NPC1: variants seen among roughly 807,000 people sequenced by gnomAD.
The protein encoded by NPC1 is NPC intracellular cholesterol transporter 1.
Under a neutral mutation model 140.4 loss-of-function variants are expected in NPC1, and 85 were observed. That is an observed-to-expected ratio of 0.61 (90% CI 0.51 to 0.72). The LOEUF (loss-of-function observed/expected upper bound fraction) is 0.72. Ranked by LOEUF, NPC1 falls within the 30% of genes least tolerant of loss-of-function variation. The pLI is 0.00. For missense variants in NPC1, 1,504 were observed against 1,623.8 expected (o/e 0.93, Z 1.27); for synonymous variants, 656 against 624.8 (o/e 1.05, Z -0.74).
At chr18:23,523,302 C>CTT (rs2058193148) in intron 1 of NPC1, among the ~76,000 whole-genome samples, 1 of 152,070 alleles carries the variant, frequency 6.6e-6, no homozygotes, top group Non-Finnish European at 1.5e-5. Flanking sequence ...GGCTCATGAG[C>CTT]AGTATAACTG....
Position 23,560,265 on chromosome 18 carries a change from A to C in NPC1, c.847T>G (p.Phe283Val). The change falls in exon 6 of 25, where the codon TTT becomes GTT. Residue 283 changes from phenylalanine (F) to valine (V), a missense_variant. Coordinates refer to ENST00000269228, the MANE Select transcript of NPC1 (RefSeq NM_000271.5). ...WITYMAFLLV[F>V]FGAFFAVWCY... ...CACACTGCAAAAAATGCTCCAAAAA[A>C]CACAAGCAAAAACGCCATGTAGGTG... The C allele has an allele frequency of 6.2e-7, 1 of 1,614,188 alleles. No homozygotes were observed.
At chr18:23,577,836 G>A (rs1473269935) in intron 1 of NPC1, among the ~76,000 whole-genome samples, 1 of 152,216 alleles carries the variant, frequency 6.6e-6, no homozygotes, top group East Asian at 1.9e-4. Flanking sequence ...CGGCACTGCT[G>A]GGGGGACCCA....
At chr18:23,527,323 C>T (rs73392104), downstream of NPC1, among the ~76,000 whole-genome samples, 2,056 of 151,828 alleles carry the variant, frequency 0.014, 34 homozygotes, top group African/African-American at 0.048. Context: ...TCCTTGAGCC[C>T]GGGAGGACGA....
exon 2 of NPC1, chr18:23,522,707 C>T (rs1204970125): frequency 6.6e-6 from 1 of 152,286 alleles, no homozygotes; most frequent in Admixed American, 6.5e-5. Flanking sequence ...CAGTAACAGC[C>T]CGTGCAGAGA....
chr18:23,568,608 T>TA (rs373467553), intron 4 of NPC1, among the ~76,000 whole-genome samples: 3 of 152,190 alleles, frequency 2.0e-5, no homozygotes, highest in African/African-American at 7.2e-5. Context: ...TGTGGGAAGT[T>TA]AAAGTTAGGG....
chr18:23,563,041 T>G (rs941086414), intron 4 of NPC1, among the ~76,000 whole-genome samples: 1 of 152,204 alleles, frequency 6.6e-6, no homozygotes, highest in Non-Finnish European at 1.5e-5. Context: ...ACTACCTCCC[T>G]ACTTCCCTAA....
Position 23,535,558 on chromosome 18 carries a change from T to C in NPC1, c.3388A>G (p.Thr1130Ala), listed in dbSNP as rs1340377299. Residue 1130 changes from threonine to alanine, a missense_variant, in exon 22 of 25, where the codon ACC becomes GCC. Transcript: ENST00000269228. ...ELWSAVIMCA[T>A]IAMVLVNMFG... The stretch of plus-strand genomic sequence containing the variant: ...ATGTTGACCAAGACCATGGCGATGG[T>C]GGCACACATGATGACTGCAGACCAG... The C allele has an allele frequency of 6.2e-7, 1 of 1,613,972 alleles. No individual in the cohort carries two copies.
chr18:23,543,465 T>C lies in NPC1; in HGVS notation c.2235A>G (p.Ala745=). The C allele has an allele frequency of 1.9e-6, 3 of 1,594,984 alleles. No individual in the cohort carries two copies. Among genetic ancestry groups the C allele is most frequent in the South Asian group, 2.2e-5 (2 of 90,650 alleles). The change falls in exon 14 of 25, where the codon GCA becomes GCG. Residue 745 remains alanine (A), a synonymous_variant. Coordinates refer to ENST00000269228, the MANE Select transcript of NPC1 (RefSeq NM_000271.5). The stretch of plus-strand genomic sequence containing the variant: ...TGAAAGCATAATTACCTAAGAAAAA[T>C]GCTACAGTCTCAGAAAAGGATGACA... ...MFLSSFSETV[A]FFLGALSVMP...
intron 10 of NPC1, among the ~76,000 whole-genome samples, chr18:23,550,575 G>A (rs979196264): frequency 2.9e-5 from 4 of 137,702 alleles, no homozygotes; most frequent in African/African-American, 8.3e-5. Flanking sequence ...TCTGCCTCCC[G>A]GGTTCACACC....
intron 23 of NPC1, 158 bp from the exon 24 acceptor site, chr18:23,533,675 A>T (rs559531500): frequency 1.4e-6 from 1 of 708,968 alleles, no homozygotes; most frequent in South Asian, 1.6e-5. Context: ...TGCCTGGCTA[A>T]TTTTTGTGTT....
At chr18:23,561,174 G>A (rs770724073) in intron 5 of NPC1, among the ~76,000 whole-genome samples, 186 bp downstream of exon 5, 3 of 152,124 alleles carry the variant, frequency 2.0e-5, no homozygotes, top group Non-Finnish European at 4.4e-5. Context: ...ACCACACCTG[G>A]CTAATGTTTA....
In NPC1 at chr18:23,531,801, C is replaced by A. The variant is rs1050372197; in HGVS notation, c.*401G>T. 6.5e-6 allele frequency: 10 copies of A among 1,528,258 alleles called. No homozygotes were observed. The African/African-American group carries it at 1.4e-4, about 22-fold the overall frequency. 94.7% of individuals were successfully genotyped at this position (1,528,258 alleles called of 1,614,324 possible). A position where few individuals can be genotyped will look rare whatever the true frequency, so the allele number is the denominator to read the frequency against. ...TATAAAATGTTATAAAGTGTATCTA[C>A]AACCTCAACTGTCACTAAAAATATG... On this transcript the variant is annotated 3_prime_UTR_variant, in exon 25 of 25. Transcript: ENST00000269228.
rs1555634688 is a variant in NPC1 at position 23,544,951 on chromosome 18, C to CCCCCG, written c.1947+8_1947+9insCGGGG. The CCCCCG allele has an allele frequency of 2.1e-6, 3 of 1,436,102 alleles. No individual in the cohort carries two copies. Among genetic ancestry groups the CCCCCG allele is most frequent in the Non-Finnish European group, 1.9e-6 (2 of 1,028,830 alleles). 89.0% of individuals were successfully genotyped at this position (1,436,102 alleles called of 1,614,324 possible). A position where few individuals can be genotyped will look rare whatever the true frequency, so the allele number is the denominator to read the frequency against. On this transcript the variant is annotated intron_variant, in intron 12 of 24. Coordinates refer to ENST00000269228, the MANE Select transcript of NPC1 (RefSeq NM_000271.5). ...CCTCTAGAACATACACCACCCCCCCCCGGCTTACCAGAAGCCTGCGACAGC... is the reference window on the plus strand; with the variant it reads ...CCTCTAGAACATACACCACCCCCCCCCCCCGCGGCTTACCAGAAGCCTGCGACAGC...
intron 16 of NPC1, among the ~76,000 whole-genome samples, chr18:23,540,769 C>CG (rs1168310930): frequency 1.3e-5 from 2 of 152,212 alleles, no homozygotes. Flanking sequence ...GGGCAAACCA[C>CG]TTCACCTCTC....
At chr18:23,525,570 A>G (rs538632445), downstream of NPC1, among the ~76,000 whole-genome samples, 1 of 152,220 alleles carries the variant, frequency 6.6e-6, no homozygotes. Context: ...GATTACAGGC[A>G]TGCGCCACCA....
rs748589476 is a variant in NPC1, at chr18:23,541,379, G to C, written c.2300C>G (p.Ala767Gly). Residue 767 changes from alanine (A) to glycine (G), a missense_variant, in exon 15 of 25, where the codon GCA becomes GGA. Transcript: ENST00000269228. Reference sequence around the variant, plus strand: ...CTGCAGAAGAAAGTCAATGAAGACTGCCAATCCCGCAAAGAGAGAGAAGGT... The same window carrying C: ...CTGCAGAAGAAAGTCAATGAAGACTCCCAATCCCGCAAAGAGAGAGAAGGT... ...VHTFSLFAGL[A>G]VFIDFLLQIT... 6.2e-7 allele frequency: 1 copy of C among 1,614,202 alleles called. No individual in the cohort carries two copies. The highest frequency in any genetic ancestry group is 1.3e-5 in the African/African-American group (1 of 75,052).
chr18:23,518,207 A>C (rs1357100891), downstream of NPC1, among the ~76,000 whole-genome samples: 1 of 152,168 alleles, frequency 6.6e-6, no homozygotes, highest in Non-Finnish European at 1.5e-5. Context: ...TAAATAGAAA[A>C]GGCTGAGCAT....
At chr18:23,530,475 G>A, downstream of NPC1, 3 of 1,614,252 alleles carry the variant, frequency 1.9e-6, no homozygotes, top group Non-Finnish European at 2.5e-6. Flanking sequence ...CGGGGCATTG[G>A]TGGCCATGAC....
intron 20 of NPC1, among the ~76,000 whole-genome samples, chr18:23,537,722 CTG>C (rs1199841672): frequency 6.6e-6 from 1 of 152,224 alleles, no homozygotes; most frequent in Admixed American, 6.5e-5. Flanking sequence ...TTCAGAAAAA[CTG>C]AATCTACTTC....
Sources: allele counts gnomAD v4.1 joint callset (sites outside exome capture counted in the v4.1 genomes callset), GRCh38; gene constraint gnomAD v4.1.1; transcripts MANE v1.5; gene names NCBI Gene and HGNC (gene_info 2026-07-23, HGNC 2026-07-21).